LHFPL3: variants seen among roughly 807,000 people sequenced by gnomAD.
LHFPL3 encodes the protein LHFPL tetraspan subfamily member 3 protein.
In LHFPL3, 5 loss-of-function variants were observed where a neutral mutation model predicts 19.3. The observed-to-expected ratio is 0.26, with a 90% CI of 0.14 to 0.54. The LOEUF is 0.54. Among genes scored for constraint, LHFPL3 ranks in the 20% least tolerant of loss-of-function variants. LHFPL3 has a pLI of 0.94. For missense variants in LHFPL3, 249 were observed against 307.4 expected (o/e 0.81, Z 1.42); for synonymous variants, 133 against 126.2 (o/e 1.05, Z -0.36).
At chr7:104,635,340 T>TCAA (rs571211648) in intron 1 of LHFPL3, among the ~76,000 whole-genome samples, 13 of 152,192 alleles carry the variant, frequency 8.5e-5, no homozygotes, top group Admixed American at 8.5e-4. Context: ...TTCCAAGTAC[T>TCAA]CAACACAATG....
intron 2 of LHFPL3, among the ~76,000 whole-genome samples, chr7:104,867,715 C>G (rs1791754843): frequency 6.6e-6 from 1 of 152,158 alleles, no homozygotes; most frequent in Non-Finnish European, 1.5e-5. Flanking sequence ...GGAATCCTCC[C>G]TAACTCATTT....
intron 1 of LHFPL3, among the ~76,000 whole-genome samples, chr7:104,656,393 G>A (rs1255430961): frequency 6.6e-6 from 1 of 151,990 alleles, no homozygotes; most frequent in Non-Finnish European, 1.5e-5. Context: ...CTTTCAGGGG[G>A]AAAAAAATGT....
At chr7:104,444,469 T>C (rs1364724433) in intron 1 of LHFPL3, among the ~76,000 whole-genome samples, 2 of 152,202 alleles carry the variant, frequency 1.3e-5, no homozygotes, top group African/African-American at 4.8e-5. Context: ...TGGATTATGT[T>C]TAAAGGAATT....
chr7:104,752,753 G>A lies in LHFPL3; in HGVS notation c.682+15842G>A, dbSNP rs75764749. On this transcript the variant is annotated intron_variant, in intron 2 of 2. Transcript: ENST00000424859. ...GTAGACGTACTCGGGATCTCTCGTC[G>A]ACTTGTCCTCAATGACCACGCTCGA... 930 of 396,366 alleles carry A rather than the reference G, an allele frequency of 2.3e-3. 2 individuals are homozygous for A. The highest frequency in any genetic ancestry group is 3.4e-3 in the Admixed American group (77 of 22,622). The allele number at this position is 396,366 out of a possible 1,614,324, so 24.6% of individuals were successfully genotyped here.
At chr7:104,373,603 C>T (rs1160025394) in intron 1 of LHFPL3, among the ~76,000 whole-genome samples, 3 of 148,644 alleles carry the variant, frequency 2.0e-5, no homozygotes, top group African/African-American at 7.4e-5. Flanking sequence ...TGGTTTTATA[C>T]ATTTTAGGAA....
intron 1 of LHFPL3, among the ~76,000 whole-genome samples, chr7:104,364,413 A>G (rs546834529): frequency 2.2e-4 from 33 of 152,354 alleles, no homozygotes; most frequent in African/African-American, 7.2e-4. Context: ...ACACACTTCA[A>G]AGAGGGACTA....
intron 1 of LHFPL3, among the ~76,000 whole-genome samples, chr7:104,455,238 A>G (rs899578022): frequency 7.9e-5 from 12 of 152,346 alleles, no homozygotes; most frequent in South Asian, 2.1e-4. Context: ...ATTGGTGATG[A>G]GGCATATTAA....
At chr7:104,750,802 T>C (rs1385163448) in intron 2 of LHFPL3, among the ~76,000 whole-genome samples, 2 of 152,102 alleles carry the variant, frequency 1.3e-5, no homozygotes, top group African/African-American at 4.8e-5. Flanking sequence ...AATGGCTGAA[T>C]TGGGAATGCC....
At chr7:104,772,503 TAC>T (rs1038941344) in intron 2 of LHFPL3, among the ~76,000 whole-genome samples, 3 of 152,162 alleles carry the variant, frequency 2.0e-5, no homozygotes, top group African/African-American at 7.2e-5. Flanking sequence ...CACCGGATCC[TAC>T]ACAGCAGTCA....
At chr7:104,462,781 C>T (rs1311112787) in intron 1 of LHFPL3, among the ~76,000 whole-genome samples, 1 of 152,076 alleles carries the variant, frequency 6.6e-6, no homozygotes, top group Non-Finnish European at 1.5e-5. Context: ...AGTCCCTCCT[C>T]CTCATTTTTT....
chr7:104,674,557 T>C (rs1288417351), intron 1 of LHFPL3, among the ~76,000 whole-genome samples: 2 of 151,988 alleles, frequency 1.3e-5, no homozygotes, highest in Admixed American at 6.6e-5. Flanking sequence ...TTAGTAGAGA[T>C]GGAGTTTCAC....
chr7:104,694,546 A>G (rs1188159941), intron 1 of LHFPL3, among the ~76,000 whole-genome samples: 1 of 152,222 alleles, frequency 6.6e-6, no homozygotes, highest in Non-Finnish European at 1.5e-5. Flanking sequence ...GGGAATGGAA[A>G]TGGTAATGAC....
At chr7:104,470,037 G>C (rs748646954) in intron 1 of LHFPL3, 4 of 456,048 alleles carry the variant, frequency 8.8e-6, no homozygotes, top group South Asian at 3.1e-5. Flanking sequence ...TGAACTTCGG[G>C]TGTTTACTGC....
chr7:104,372,942 G>A (rs932913261), intron 1 of LHFPL3, among the ~76,000 whole-genome samples: 16 of 135,982 alleles, frequency 1.2e-4, no homozygotes, highest in South Asian at 2.3e-4. Flanking sequence ...CTGAGTAAAG[G>A]AAAATGTCTA....
intron 1 of LHFPL3, among the ~76,000 whole-genome samples, chr7:104,476,563 C>T (rs777347113): frequency 1.5e-4 from 23 of 151,942 alleles, no homozygotes; most frequent in Non-Finnish European, 2.8e-4. Context: ...TGGGTTCAAG[C>T]GATTCTCCTG....
chr7:104,710,278 A>G (rs1186088784), intron 1 of LHFPL3, among the ~76,000 whole-genome samples: 1 of 152,252 alleles, frequency 6.6e-6, no homozygotes, highest in South Asian at 2.1e-4. Flanking sequence ...ATTTCTCAGT[A>G]ACAGGCTTCA....
At chr7:104,877,034 C>T (rs932650770) in intron 2 of LHFPL3, among the ~76,000 whole-genome samples, 2 of 152,052 alleles carry the variant, frequency 1.3e-5, no homozygotes, top group Non-Finnish European at 2.9e-5. Flanking sequence ...GGACAAAAAA[C>T]CAAACACCAC....
intron 1 of LHFPL3, among the ~76,000 whole-genome samples, chr7:104,549,287 C>T (rs1173213892): frequency 6.7e-6 from 1 of 149,544 alleles, no homozygotes; most frequent in Non-Finnish European, 1.5e-5. Flanking sequence ...TATATGTTCT[C>T]ACGACAATCT....
chr7:104,690,961 T>G (rs1034109975), intron 1 of LHFPL3, among the ~76,000 whole-genome samples: 2 of 152,182 alleles, frequency 1.3e-5, no homozygotes, highest in African/African-American at 4.8e-5. Context: ...GTGTAAAGCC[T>G]TTGGAAGGCC....
Sources: gnomAD v4.1 joint callset for allele counts (sites outside exome capture counted in the v4.1 genomes callset) on GRCh38, gnomAD v4.1.1 for gene constraint, MANE v1.5 for transcripts, NCBI Gene and HGNC (gene_info 2026-07-23, HGNC 2026-07-21) for gene names.